Variants in PCDHA1 observed in about 807,000 individuals in gnomAD.
The protein encoded by PCDHA1 is protocadherin alpha 1.
In PCDHA1, 42 loss-of-function variants were observed where a neutral mutation model predicts 61.3. The observed-to-expected ratio is 0.69, with a 90% CI of 0.54 to 0.89. PCDHA1 has a LOEUF of 0.89. Among genes scored for constraint, PCDHA1 ranks in the 40% least tolerant of loss-of-function variants. PCDHA1 has a pLI of 0.00. For missense variants in PCDHA1, 1,256 were observed against 1,235.3 expected, an observed-to-expected ratio of 1.02 and a Z score of -0.25; for synonymous variants, 610 against 553.8, an observed-to-expected ratio of 1.10 and a Z score of -1.43.
rs1471467376 is a variant in PCDHA1, at chr5:140,787,913, C to A, written c.1623C>A (p.Gly541=). Reference sequence around the variant, plus strand: ...TCCAGGTGAGCGCGCGGGATGCGGGCGTGCCGCCTCTGGGCAGCAACGTGA... The same window carrying A: ...TCCAGGTGAGCGCGCGGGATGCGGGAGTGCCGCCTCTGGGCAGCAACGTGA... ...LQFQVSARDA[G]VPPLGSNVTL... is the part of the protein sequence containing the mutation. The change falls in exon 1 of 4, where the codon GGC becomes GGA. Residue 541 remains glycine (G), a synonymous_variant. Coordinates refer to ENST00000504120, the MANE Select transcript of PCDHA1 (RefSeq NM_018900.4). 17 of 1,613,634 alleles carry A rather than the reference C, an allele frequency of 1.1e-5. No individual in the cohort carries two copies. The highest frequency in any genetic ancestry group is 1.4e-5 in the Non-Finnish European group (16 of 1,179,904).
At chr5:140,879,335 C>T (rs1388490473) in intron 1 of PCDHA1, among the ~76,000 whole-genome samples, 1 of 152,072 alleles carries the variant, frequency 6.6e-6, no homozygotes, top group Non-Finnish European at 1.5e-5. Context: ...TTAGTTTGTT[C>T]AGCTGAGAAG....
intron 1 of PCDHA1, chr5:140,802,137 A>C (rs1554121887): frequency 6.2e-7 from 1 of 1,614,238 alleles, no homozygotes; most frequent in Non-Finnish European, 8.5e-7. Context: ...CGAGGAAAGT[A>C]AGTCATATGA....
intron 1 of PCDHA1, among the ~76,000 whole-genome samples, chr5:140,792,092 T>C (rs1208180670): frequency 6.6e-6 from 1 of 152,130 alleles, no homozygotes; most frequent in Non-Finnish European, 1.5e-5. Flanking sequence ...AAGTCCAAAA[T>C]CAGCGTGTTT....
intron 1 of PCDHA1, chr5:140,842,932 G>A: frequency 1.3e-6 from 2 of 1,594,566 alleles, no homozygotes; most frequent in East Asian, 2.2e-5. Flanking sequence ...AGGTGAGCGC[G>A]CGCGACGCGG....
chr5:140,834,224 G>T (rs1183428417), intron 1 of PCDHA1: 6 of 695,532 alleles, frequency 8.6e-6, no homozygotes, highest in Non-Finnish European at 1.4e-5. Context: ...ATCAGCAAAA[G>T]GAAGTCATTC....
At chr5:140,822,791 T>C (rs1231627959) in intron 1 of PCDHA1, 1 of 1,614,078 alleles carries the variant, frequency 6.2e-7, no homozygotes, top group East Asian at 2.2e-5. Context: ...GTAGTGAAAC[T>C]CCTGGATGTG....
chr5:140,786,240 G>A lies in PCDHA1; in HGVS notation c.-51G>A, dbSNP rs1554117306. ...ATGATTGGAAATATTAGATAAAATG[G>A]CATGATTTTGAAGTAAGAGGAGAGC... is the stretch of plus-strand genomic sequence containing the variant. On this transcript the variant is annotated 5_prime_UTR_variant, in exon 1 of 4. Coordinates refer to ENST00000504120, the MANE Select transcript of PCDHA1 (RefSeq NM_018900.4). 2.6e-6 allele frequency: 4 copies of A among 1,517,594 alleles called. No homozygotes were observed. The highest frequency in any genetic ancestry group is 1.3e-5 in the South Asian group (1 of 75,550). 94.0% of individuals were successfully genotyped at this position (1,517,594 alleles called of 1,614,324 possible).
rs2150250773 is a variant in PCDHA1 at position 140,836,019 on chromosome 5, G to A, written c.2394+47335G>A. 7.4e-6 allele frequency: 12 copies of A among 1,613,252 alleles called. No individual in the cohort carries two copies. In the East Asian group the frequency reaches 1.1e-4, roughly 15 times the overall value. ...GCGCGATGCGGGCGTGCCGCCTCTG[G>A]GCAGCAACGTGACGCTGCAGGTGTT... On this transcript the variant is annotated intron_variant, in intron 1 of 3. Coordinates refer to ENST00000504120, the MANE Select transcript of PCDHA1 (RefSeq NM_018900.4).
chr5:140,793,273 A>G (rs890748329), intron 1 of PCDHA1, among the ~76,000 whole-genome samples: 9 of 152,250 alleles, frequency 5.9e-5, no homozygotes, highest in Non-Finnish European at 5.9e-5. Context: ...TTATGGAATT[A>G]TGGAAGGGTG....
chr5:140,809,920 G>A, intron 1 of PCDHA1: 1 of 175,738 alleles, frequency 5.7e-6, no homozygotes, highest in Non-Finnish European at 1.2e-5. Context: ...AAATAATAAA[G>A]CTCCATAAAT....
intron 1 of PCDHA1, among the ~76,000 whole-genome samples, chr5:140,817,958 G>A (rs1371560808): frequency 6.6e-6 from 1 of 152,142 alleles, no homozygotes; most frequent in Non-Finnish European, 1.5e-5. Context: ...TTCAATTAGT[G>A]TGTCTTTTTT....
rs2150476768 is a variant in PCDHA1, at chr5:140,850,270, G to C, written c.2394+61586G>C. On this transcript the variant is annotated intron_variant, in intron 1 of 3. Transcript: ENST00000504120. ...TCGGTGGGCGCCGGCGTAGTGGTGG[G>C]GAAGGTGCGCGCAGTGGACGCCGAC... 8 of 1,594,948 alleles carry C rather than the reference G, an allele frequency of 5.0e-6. 1 individual carries two copies. In the Admixed American group the frequency reaches 5.1e-5, roughly 10 times the overall value.
intron 3 of PCDHA1, among the ~76,000 whole-genome samples, chr5:140,997,092 A>C (rs2097758868): frequency 6.6e-6 from 1 of 152,160 alleles, no homozygotes; most frequent in South Asian, 2.1e-4. Flanking sequence ...GAAAGTGCAG[A>C]GTTCTCATGC....
chr5:140,877,721 A>C, intron 1 of PCDHA1: 3 of 1,614,000 alleles, frequency 1.9e-6, no homozygotes, highest in Non-Finnish European at 2.5e-6. Context: ...AGTTGGTCTT[A>C]CTCGCAGCAG....
Position 140,852,809 on chromosome 5 carries a change from C to T in PCDHA1, c.2394+64125C>T, listed in dbSNP as rs1429984533. 2.4e-5 allele frequency: 23 copies of T among 974,514 alleles called. 1 individual carries two copies. The highest frequency in any genetic ancestry group is 6.3e-5 in the Admixed American group (1 of 15,844). 60.4% of individuals were successfully genotyped at this position (974,514 alleles called of 1,614,324 possible). A position where few individuals can be genotyped will look rare whatever the true frequency, so the allele number is the denominator to read the frequency against. On this transcript the variant is annotated intron_variant, in intron 1 of 3. Transcript: ENST00000504120. Reference sequence around the variant, plus strand: ...GGATGCTACAGATGTCATTTGTCTCCCGCCCTAAGTCCTCCAGTCTCCTTA... The same window carrying T: ...GGATGCTACAGATGTCATTTGTCTCTCGCCCTAAGTCCTCCAGTCTCCTTA...
At chr5:140,859,508 T>A (rs1298997050) in intron 1 of PCDHA1, 1 of 197,594 alleles carries the variant, frequency 5.1e-6, no homozygotes, top group Non-Finnish European at 1.0e-5. Flanking sequence ...CTGATACCCA[T>A]GATTTCATTT....
intron 1 of PCDHA1, among the ~76,000 whole-genome samples, chr5:140,799,886 T>C (rs530243110): frequency 1.1e-4 from 17 of 152,260 alleles, no homozygotes; most frequent in African/African-American, 4.1e-4. Context: ...ATAAATTTTC[T>C]TTGCCCCACT....
intron 1 of PCDHA1, among the ~76,000 whole-genome samples, chr5:140,888,721 G>A (rs1176739860): frequency 6.6e-6 from 1 of 151,970 alleles, no homozygotes; most frequent in Non-Finnish European, 1.5e-5. Flanking sequence ...AATATTTCCA[G>A]CCCTTTGTGA....
At chr5:140,853,256 C>T (rs943963814) in intron 1 of PCDHA1, 1 of 973,952 alleles carries the variant, frequency 1.0e-6, no homozygotes, top group Non-Finnish European at 1.2e-6. Context: ...TCTATTCTCT[C>T]TCAGAGTACA....
Sources: gnomAD v4.1 joint callset for allele counts (sites outside exome capture counted in the v4.1 genomes callset) on GRCh38, gnomAD v4.1.1 for gene constraint, MANE v1.5 for transcripts, NCBI Gene and HGNC (gene_info 2026-07-23, HGNC 2026-07-21) for gene names.